TRPM6: variants seen among roughly 807,000 people sequenced by gnomAD.
The protein encoded by TRPM6 is transient receptor potential cation channel subfamily M member 6.
In TRPM6, 111 loss-of-function variants were observed where a neutral mutation model predicts 247.6. The observed-to-expected ratio is 0.45, with a 90% CI of 0.38 to 0.52. The LOEUF is 0.52. Ranked by LOEUF, TRPM6 falls within the 20% of genes least tolerant of loss-of-function variation. The probability of loss-of-function intolerance (pLI) is 0.00; values close to 1 mark genes in which losing one functional copy is unlikely to be tolerated. For missense variants in TRPM6, 2,126 were observed against 2,421.5 expected, an observed-to-expected ratio of 0.88 and a Z score of 2.56; for synonymous variants, 892 against 853.8, an observed-to-expected ratio of 1.04 and a Z score of -0.78.
At chr9:74,747,160 T>C (rs987759642) in intron 31 of TRPM6, among the ~76,000 whole-genome samples, 1 of 152,200 alleles carries the variant, frequency 6.6e-6, no homozygotes, top group Non-Finnish European at 1.5e-5. Context: ...GGGCTAAAGA[T>C]CAAATGTTAA....
Position 74,815,727 on chromosome 9 carries a change from T to C in TRPM6, c.1308+942A>G, listed in dbSNP as rs188456217. Among the ~76,000 whole-genome samples the C allele has an allele frequency of 7.2e-5, 11 of 152,372 alleles. No homozygotes were observed. In the East Asian group the frequency reaches 2.1e-3, roughly 29 times the overall value. ...CATTATTTAGAAATATGGAGATTTA[T>C]AAGTGTTAGAAAAATCAAAAACATC... is the stretch of plus-strand genomic sequence containing the variant. On this transcript the variant is annotated intron_variant, in intron 11 of 38. Transcript: ENST00000360774.
rs1829096784 is a variant in TRPM6 at position 74,820,404 on chromosome 9, T to C, written c.1034A>G (p.Glu345Gly). 1 of 1,614,006 alleles carries C rather than the reference T, an allele frequency of 6.2e-7. No individual in the cohort carries two copies. The highest frequency in any genetic ancestry group is 1.3e-5 in the African/African-American group (1 of 74,898). ...DEGMLRPQVKEEIICMIQNTF... is the reference protein window; with the variant it reads ...DEGMLRPQVKGEIICMIQNTF... ...GTTCTGAATCATGCAGATGATCTCCTCTTTCACCTGAGGTCGCAGCATCCT... is the reference window on the plus strand; with the variant it reads ...GTTCTGAATCATGCAGATGATCTCCCCTTTCACCTGAGGTCGCAGCATCCT... Residue 345 changes from glutamate (E) to glycine (G), a missense_variant, in exon 9 of 39, where the codon GAG (glutamate) becomes GGG (glycine). Transcript: ENST00000360774.
chr9:74,796,655 T>A, intron 18 of TRPM6, 86 bp downstream of exon 18: 1 of 1,384,262 alleles, frequency 7.2e-7, no homozygotes. Context: ...GTTTAATAGA[T>A]GGCTATATAA....
chr9:74,735,431 T>C (rs1261190726), intron 36 of TRPM6, among the ~76,000 whole-genome samples: 1 of 152,172 alleles, frequency 6.6e-6, no homozygotes, highest in African/African-American at 2.4e-5. Context: ...AATGAACTTG[T>C]ACATTGGTGG....
At position 74,739,990 on chromosome 9, in the gene TRPM6, G is replaced by A; in HGVS notation, c.5220C>T (p.Val1740=). The change falls in exon 34 of 39, where the codon GTC becomes GTT. Residue 1740 remains valine (V), a synonymous_variant. Transcript: ENST00000360774. ...AAGGGGAACTCTCCTCCAACCTGTA[G>A]ACAGTTATTTCTTCTCCTGCTGCAA... ...VQLFAGEEIT[V]YRLEESSPLN... 1.9e-6 allele frequency: 3 copies of A among 1,614,092 alleles called. No homozygotes were observed. Among genetic ancestry groups the A allele is most frequent in the Non-Finnish European group, 2.5e-6 (3 of 1,180,008 alleles).
chr9:74,754,800 T>C (rs562601926), intron 28 of TRPM6, among the ~76,000 whole-genome samples: 1 of 152,256 alleles, frequency 6.6e-6, no homozygotes, highest in African/African-American at 2.4e-5. Context: ...TGCCCTCATC[T>C]TACCTGTCCA....
intron 1 of TRPM6, among the ~76,000 whole-genome samples, chr9:74,883,222 C>T (rs1214122600): frequency 6.6e-6 from 1 of 152,104 alleles, no homozygotes; most frequent in African/African-American, 2.4e-5. Context: ...ATAATATTCC[C>T]TTGTGTATAT....
chr9:74,785,268 C>A (rs183534175), intron 21 of TRPM6, among the ~76,000 whole-genome samples: 1 of 152,246 alleles, frequency 6.6e-6, no homozygotes, highest in African/African-American at 2.4e-5. Context: ...CAGTTCAAAT[C>A]TAGCCTGCAC....
chr9:74,823,394 T>C (rs1367349843), intron 7 of TRPM6, among the ~76,000 whole-genome samples: 2 of 152,266 alleles, frequency 1.3e-5, no homozygotes, highest in Non-Finnish European at 2.9e-5. Context: ...ACATATTTTA[T>C]ACAGTTATCT....
intron 1 of TRPM6, among the ~76,000 whole-genome samples, chr9:74,866,544 T>G (rs2118424653): frequency 6.6e-6 from 1 of 152,260 alleles, no homozygotes; most frequent in Admixed American, 6.5e-5. Flanking sequence ...TGCAATGGCG[T>G]GATCTCGGCT....
At chr9:74,810,895 T>C in intron 12 of TRPM6, 27 bp from the exon 13 acceptor site, 1 of 1,592,554 alleles carries the variant, frequency 6.3e-7, no homozygotes, top group Non-Finnish European at 8.6e-7. Context: ...AAGGAAGAAT[T>C]ATTCTCTTTA....
chr9:74,842,232 C>A lies in TRPM6; in HGVS notation c.264G>T (p.Thr88=), dbSNP rs764875192. Reference sequence around the variant, plus strand: ...TGCCAAAAGTATCTGTTGGGCTTTTCGTTGTGTGCTTTTCAACAGACCATT... The same window carrying A: ...TGCCAAAAGTATCTGTTGGGCTTTTAGTTGTGTGCTTTTCAACAGACCATT... ...SEQWSVEKHT[T]KSPTDTFGTI... Residue 88 remains threonine, a synonymous_variant, in exon 4 of 39, where the codon ACG becomes ACT. Coordinates refer to ENST00000360774, the MANE Select transcript of TRPM6 (RefSeq NM_017662.5). 1.9e-6 allele frequency: 3 copies of A among 1,614,012 alleles called. No individual in the cohort carries two copies. The Admixed American group carries it at 5.0e-5, about 27-fold the overall frequency.
At chr9:74,750,216 A>G (rs1361072962) in intron 30 of TRPM6, among the ~76,000 whole-genome samples, 1 of 152,186 alleles carries the variant, frequency 6.6e-6, no homozygotes, top group East Asian at 1.9e-4. Context: ...CAAAAACAAA[A>G]AAGATATGCC....
intron 4 of TRPM6, among the ~76,000 whole-genome samples, chr9:74,841,090 T>G (rs1829922799): frequency 6.6e-6 from 1 of 152,242 alleles, no homozygotes; most frequent in South Asian, 2.1e-4. Context: ...AATTTTACCT[T>G]CTAACCATTA....
At chr9:74,778,114 C>T (rs932837665) in intron 23 of TRPM6, among the ~76,000 whole-genome samples, 4 of 152,274 alleles carry the variant, frequency 2.6e-5, no homozygotes, top group Admixed American at 6.5e-5. Context: ...AGCCGAGTGT[C>T]GGTGCTGCAT....
At chr9:74,786,556 C>T (rs1215762923) in intron 20 of TRPM6, among the ~76,000 whole-genome samples, 2 of 150,654 alleles carry the variant, frequency 1.3e-5, no homozygotes, top group African/African-American at 2.4e-5. Context: ...CTGGCTAAAA[C>T]GGTGAAACCC....
At chr9:74,743,701 C>T (rs114519473) in intron 32 of TRPM6, among the ~76,000 whole-genome samples, 317 of 152,258 alleles carry the variant, frequency 2.1e-3, no homozygotes, top group African/African-American at 7.3e-3. Flanking sequence ...TGATCATACT[C>T]ACTGAGGCCC....
At chr9:74,822,764 C>T (rs1829175685) in intron 7 of TRPM6, among the ~76,000 whole-genome samples, 1 of 151,936 alleles carries the variant, frequency 6.6e-6, no homozygotes, top group African/African-American at 2.4e-5. Context: ...GGAATAACTG[C>T]AGAGTCATTC....
In TRPM6 at chr9:74,739,724, C is replaced by A; in HGVS notation, c.5486G>T (p.Arg1829Met). The A allele has an allele frequency of 6.2e-7, 1 of 1,611,690 alleles. No individual in the cohort carries two copies. ...QESTVLHLCL[R>M]EIQQQRAAQK... is the part of the protein sequence containing the mutation. ...TGGGTCTCTGAGTTTCAGACTTACC[C>A]TGAGGCAAAGATGAAGCACAGTGCT... Residue 1829 changes from arginine to methionine, a missense_variant and splice_region_variant, in exon 34 of 39, where the codon AGG becomes ATG. Around this residue, in one of 3 missense-constraint regions of TRPM6, gnomAD observed 327 missense variants for 397.7 expected, o/e 0.82. Coordinates refer to ENST00000360774, the MANE Select transcript of TRPM6 (RefSeq NM_017662.5).
Sources: gnomAD v4.1 joint callset for allele counts (sites outside exome capture counted in the v4.1 genomes callset) on GRCh38, gnomAD v4.1.1 for gene constraint, gnomAD v4.1.1 regional missense constraint, MANE v1.5 for transcripts, NCBI Gene and HGNC (gene_info 2026-07-23, HGNC 2026-07-21) for gene names.